The following GBE1 variants were observed in gnomAD, a reference collection of about 807,000 sequenced individuals.
GBE1 encodes 1,4-alpha-glucan-branching enzyme.
GBE1 carries 70 observed loss-of-function variants against 88.8 expected under a neutral mutation model. That is an observed-to-expected ratio of 0.79 (90% CI 0.65 to 0.96). The LOEUF (loss-of-function observed/expected upper bound fraction) is 0.96, where lower values mean the gene tolerates loss of function less well. Among genes scored for constraint, GBE1 ranks in the 40% least tolerant of loss-of-function variants. GBE1 has a pLI of 0.00. For missense variants in GBE1, 872 were observed against 871.0 expected, an observed-to-expected ratio of 1.00 and a Z score of -0.01; for synonymous variants, 284 against 300.1, an observed-to-expected ratio of 0.95 and a Z score of 0.56.
At chr3:81,639,719 A>G (rs1046525415) in intron 7 of GBE1, among the ~76,000 whole-genome samples, 4 of 152,166 alleles carry the variant, frequency 2.6e-5, no homozygotes, top group African/African-American at 9.7e-5. Flanking sequence ...TTTTGGGACT[A>G]TCGCTCTTGT....
intron 2 of GBE1, among the ~76,000 whole-genome samples, chr3:81,696,533 G>C (rs1329563623): frequency 1.3e-5 from 2 of 152,178 alleles, no homozygotes; most frequent in Non-Finnish European, 2.9e-5. Flanking sequence ...AGATGTGACT[G>C]TTATAAAACA....
intron 1 of GBE1, among the ~76,000 whole-genome samples, chr3:81,716,485 T>C (rs1460533551): frequency 6.6e-6 from 1 of 152,182 alleles, no homozygotes; most frequent in Non-Finnish European, 1.5e-5. Context: ...TTTCTAGGTC[T>C]AAATCCTATA....
At chr3:81,497,653 G>A (rs1702518209) in intron 15 of GBE1, among the ~76,000 whole-genome samples, 1 of 152,074 alleles carries the variant, frequency 6.6e-6, no homozygotes, top group African/African-American at 2.4e-5. Flanking sequence ...TGGGGTACAC[G>A]GACATTTAGA....
At chr3:81,565,308 C>T (rs1054799188) in intron 12 of GBE1, among the ~76,000 whole-genome samples, 1 of 152,160 alleles carries the variant, frequency 6.6e-6, no homozygotes, top group African/African-American at 2.4e-5. Flanking sequence ...TTAGCATTCC[C>T]ACTGTTCAGG....
chr3:81,522,259 C>T (rs969602605), intron 14 of GBE1, among the ~76,000 whole-genome samples: 5 of 151,544 alleles, frequency 3.3e-5, no homozygotes, highest in African/African-American at 7.2e-5. Flanking sequence ...AGAACTAATG[C>T]GTTGATTTTA....
intron 2 of GBE1, among the ~76,000 whole-genome samples, chr3:81,704,488 C>T (rs777410451): frequency 4.6e-5 from 7 of 152,004 alleles, no homozygotes; most frequent in Non-Finnish European, 8.8e-5. Context: ...TGTAATCAAC[C>T]TTTACCCACC....
At position 81,761,412 on chromosome 3, in the gene GBE1, G is replaced by C; in HGVS notation, c.106C>G (p.Pro36Ala). 6.2e-7 allele frequency: 1 copy of C among 1,613,462 alleles called. No individual in the cohort carries two copies. The highest frequency in any genetic ancestry group is 8.5e-7 in the Non-Finnish European group (1 of 1,179,540). The change falls in exon 1 of 16, where the codon CCG (proline) becomes GCG (alanine). Residue 36 changes from proline (P) to alanine (A), a missense_variant. Coordinates refer to ENST00000429644, the MANE Select transcript of GBE1 (RefSeq NM_000158.4). Reference sequence around the variant, plus strand: ...TCCACGGCGTAGGGCTTCAAGTACGGGTCGATCTCCAGGAGTCTGGCCAGT... The same window carrying C: ...TCCACGGCGTAGGGCTTCAAGTACGCGTCGATCTCCAGGAGTCTGGCCAGT... ...PELARLLEIDPYLKPYAVDFQ... is the reference protein window; with the variant it reads ...PELARLLEIDAYLKPYAVDFQ...
At chr3:81,589,439 G>A (rs1242652260) in intron 9 of GBE1, among the ~76,000 whole-genome samples, 6 of 150,634 alleles carry the variant, frequency 4.0e-5, no homozygotes, top group African/African-American at 1.5e-4. Context: ...ACTCCCGCTA[G>A]ACAGAAAAGT....
chr3:81,749,063 A>G (rs907266047), intron 1 of GBE1, among the ~76,000 whole-genome samples: 5 of 152,076 alleles, frequency 3.3e-5, no homozygotes, highest in Admixed American at 1.3e-4. Flanking sequence ...TCCTTATAAA[A>G]CAAATGCTTG....
chr3:81,616,793 C>T (rs1020591389), intron 7 of GBE1, among the ~76,000 whole-genome samples: 2 of 152,166 alleles, frequency 1.3e-5, no homozygotes, highest in Non-Finnish European at 2.9e-5. Flanking sequence ...AAAATGACAT[C>T]TTTACTACTT....
chr3:81,721,226 A>AAAAAAACAC, intron 1 of GBE1, among the ~76,000 whole-genome samples: 1 of 106,974 alleles, frequency 9.3e-6, no homozygotes, highest in African/African-American at 4.2e-5. Flanking sequence ...TAAATAAATA[A>AAAAAAACAC]ATAAATAAAA....
At position 81,661,191 on chromosome 3, in the gene GBE1, A is replaced by T. The variant is rs187182093; in HGVS notation, c.429+9647T>A. On this transcript the variant is annotated intron_variant, in intron 3 of 15. Coordinates refer to ENST00000429644, the MANE Select transcript of GBE1 (RefSeq NM_000158.4). ...TTTTCCAGATTTTATAATCATATTT[A>T]AAATATACTATGCCCACATTGAAGG... 1.8e-4 allele frequency among the ~76,000 whole-genome samples: 28 copies of T among 152,310 alleles called. No homozygotes were observed. In the East Asian group the frequency reaches 3.5e-3, roughly 19 times the overall value.
At chr3:81,755,189 T>C (rs897961646) in intron 1 of GBE1, among the ~76,000 whole-genome samples, 1 of 152,016 alleles carries the variant, frequency 6.6e-6, no homozygotes, top group African/African-American at 2.4e-5. Context: ...AGAAAACATA[T>C]AAATGGCCGA....
At chr3:81,583,335 GA>G (rs1703759267) in intron 10 of GBE1, among the ~76,000 whole-genome samples, 1 of 151,990 alleles carries the variant, frequency 6.6e-6, no homozygotes, top group African/African-American at 2.4e-5. Context: ...ATTAAACAGG[GA>G]ATTACTGTAT....
At chr3:81,525,051 ATG>A (rs1352658492) in intron 14 of GBE1, among the ~76,000 whole-genome samples, 1 of 151,766 alleles carries the variant, frequency 6.6e-6, no homozygotes, top group Non-Finnish European at 1.5e-5. Context: ...TTCTATTTGA[ATG>A]TGTTTGTATA....
At chr3:81,642,477 G>A (rs1704697423) in intron 7 of GBE1, 1 of 231,292 alleles carries the variant, frequency 4.3e-6, no homozygotes, top group African/African-American at 2.3e-5. Flanking sequence ...TATGGTTTAA[G>A]TCAAATTGAT....
chr3:81,642,366 G>A (rs1270474633), intron 7 of GBE1, among the ~76,000 whole-genome samples: 1 of 152,020 alleles, frequency 6.6e-6, no homozygotes, highest in Non-Finnish European at 1.5e-5. Context: ...TAATTTAGCT[G>A]TAATCAAAAC....
chr3:81,710,908 C>T (rs2107176075), intron 1 of GBE1, among the ~76,000 whole-genome samples: 1 of 152,258 alleles, frequency 6.6e-6, no homozygotes, highest in South Asian at 2.1e-4. Flanking sequence ...ATATCACACA[C>T]TCCAAATTGA....
intron 1 of GBE1, among the ~76,000 whole-genome samples, chr3:81,738,167 G>C (rs572296654): frequency 1.4e-4 from 21 of 151,494 alleles, no homozygotes; most frequent in Non-Finnish European, 2.7e-4. Flanking sequence ...GGACATTTGG[G>C]TTGGTTCCAA....
Sources: gnomAD v4.1 joint callset for allele counts (sites outside exome capture counted in the v4.1 genomes callset) on GRCh38, gnomAD v4.1.1 for gene constraint, MANE v1.5 for transcripts, NCBI Gene and HGNC (gene_info 2026-07-23, HGNC 2026-07-21) for gene names.